Variants in PCSK5 observed in about 807,000 individuals in gnomAD.
PCSK5 encodes prohormone convertase 5.
PCSK5 carries 129 observed loss-of-function variants against 233.2 expected under a neutral mutation model. The observed-to-expected ratio is 0.55, with a 90% confidence interval of 0.48 to 0.64. PCSK5 has a LOEUF of 0.64. Ranked by LOEUF, PCSK5 falls within the 30% of genes least tolerant of loss-of-function variation. The pLI, the probability that PCSK5 is intolerant of heterozygous loss-of-function variation, is 0.00. For missense variants in PCSK5, 2,076 were observed against 2,430.1 expected (o/e 0.85, Z 3.06); for synonymous variants, 825 against 879.2 (o/e 0.94, Z 1.09).
intron 2 of PCSK5, among the ~76,000 whole-genome samples, chr9:75,943,154 G>A (rs1824399985): frequency 6.6e-6 from 1 of 151,940 alleles, no homozygotes; most frequent in African/African-American, 2.4e-5. Context: ...CAAAGTGCTG[G>A]GATTACAAGC....
At chr9:76,177,048 G>C (rs149736855) in intron 14 of PCSK5, among the ~76,000 whole-genome samples, 1,924 of 152,284 alleles carry the variant, frequency 0.013, 44 homozygotes, top group African/African-American at 0.044. Flanking sequence ...CCAGCACTTT[G>C]GGAGGCCGAG....
rs7031129 is a variant in PCSK5, at chr9:76,064,337, G to A, written c.633-3618G>A. ...CAGAGGCGCCCCTCACCTCCCGGAC[G>A]GGGCGGCTGGCCGGGCGGGGGGCTG... is the stretch of plus-strand genomic sequence containing the variant. On this transcript the variant is annotated intron_variant, in intron 5 of 37. Transcript: ENST00000674117. Among the ~76,000 whole-genome samples, 943 of 107,626 alleles carry A rather than the reference G, an allele frequency of 8.8e-3. 11 individuals carry two copies. Among genetic ancestry groups the A allele is most frequent in the African/African-American group, 0.035 (777 of 22,358 alleles). 70.6% of individuals were successfully genotyped at this position (107,626 alleles called of 152,430 possible).
intron 21 of PCSK5, among the ~76,000 whole-genome samples, chr9:76,229,433 T>G (rs1271782837): frequency 6.6e-6 from 1 of 152,222 alleles, no homozygotes; most frequent in East Asian, 1.9e-4. Context: ...GTATTTAACA[T>G]GCAAAGCTCT....
chr9:75,982,391 T>C (rs1217712831), intron 2 of PCSK5, among the ~76,000 whole-genome samples: 1 of 152,212 alleles, frequency 6.6e-6, no homozygotes, highest in Admixed American at 6.5e-5. Flanking sequence ...TTATCCTCCA[T>C]AGAGTTGTAC....
At chr9:75,911,222 T>G (rs1416630739) in intron 1 of PCSK5, among the ~76,000 whole-genome samples, 1 of 144,310 alleles carries the variant, frequency 6.9e-6, no homozygotes, top group Non-Finnish European at 1.5e-5. Flanking sequence ...TTTTTTTTTT[T>G]TTTTTTTTTT....
chr9:75,925,245 G>C (rs528176062), intron 1 of PCSK5, among the ~76,000 whole-genome samples: 1 of 152,256 alleles, frequency 6.6e-6, no homozygotes, highest in Admixed American at 6.5e-5. Context: ...CATTCCCCAT[G>C]TATTTACTAA....
intron 20 of PCSK5, among the ~76,000 whole-genome samples, chr9:76,225,466 G>C (rs1458519722): frequency 6.6e-6 from 1 of 152,090 alleles, no homozygotes; most frequent in African/African-American, 2.4e-5. Flanking sequence ...TCATCTAACT[G>C]TAAAAACAAA....
chr9:75,942,226 A>G (rs746615437), intron 2 of PCSK5, among the ~76,000 whole-genome samples: 9 of 152,178 alleles, frequency 5.9e-5, no homozygotes, highest in Non-Finnish European at 8.8e-5. Flanking sequence ...AGGACATGCA[A>G]GTCTCGACTT....
intron 5 of PCSK5, among the ~76,000 whole-genome samples, chr9:76,049,007 C>A (rs777807313): frequency 1.3e-5 from 2 of 151,822 alleles, no homozygotes; most frequent in Admixed American, 6.6e-5. Context: ...ATCCTTTATG[C>A]CTAGAAATTA....
chr9:76,280,174 T>C (rs1055884728), intron 24 of PCSK5, among the ~76,000 whole-genome samples: 2 of 152,172 alleles, frequency 1.3e-5, no homozygotes, highest in Non-Finnish European at 2.9e-5. Flanking sequence ...CAGTGATCAG[T>C]GATCAATTAT....
Position 76,247,481 on chromosome 9 carries a change from G to A in PCSK5, c.3142+6797G>A, listed in dbSNP as rs1826652112. ...TTTAACTCCTGTCTTTGCCTAATTA[G>A]CATTTTAGTGAGCTCTCTGATTGGT... On this transcript the variant is annotated intron_variant, in intron 24 of 37. Transcript: ENST00000674117. 2.6e-5 allele frequency among the ~76,000 whole-genome samples: 4 copies of A among 152,080 alleles called. No individual in the cohort carries two copies. The South Asian group carries it at 8.3e-4, about 32-fold the overall frequency.
At chr9:75,975,946 C>G (rs1179947773) in intron 2 of PCSK5, among the ~76,000 whole-genome samples, 1 of 151,974 alleles carries the variant, frequency 6.6e-6, no homozygotes, top group Admixed American at 6.6e-5. Context: ...CTTTGTTGTC[C>G]CAGTTCAATC....
intron 5 of PCSK5, among the ~76,000 whole-genome samples, chr9:76,066,132 A>T (rs1005635752): frequency 6.6e-6 from 1 of 152,174 alleles, no homozygotes; most frequent in Non-Finnish European, 1.5e-5. Context: ...TTGTGGTTTC[A>T]TATGAATTTT....
chr9:76,077,154 G>T (rs540217457), intron 7 of PCSK5, among the ~76,000 whole-genome samples: 1 of 152,206 alleles, frequency 6.6e-6, no homozygotes, highest in Admixed American at 6.5e-5. Context: ...TGGCACACCT[G>T]ACCTTCCATC....
chr9:76,080,327 G>A (rs543580603), intron 7 of PCSK5, among the ~76,000 whole-genome samples: 1 of 152,168 alleles, frequency 6.6e-6, no homozygotes, highest in South Asian at 2.1e-4. Context: ...TGACACACAC[G>A]CACTCCAGCC....
At chr9:76,177,621 G>C (rs1445749682) in intron 14 of PCSK5, among the ~76,000 whole-genome samples, 1 of 152,182 alleles carries the variant, frequency 6.6e-6, no homozygotes, top group African/African-American at 2.4e-5. Flanking sequence ...TGTCTTCTCG[G>C]ATAGGAGAAA....
intron 21 of PCSK5, among the ~76,000 whole-genome samples, chr9:76,230,985 C>T (rs1826061625): frequency 6.6e-6 from 1 of 152,020 alleles, no homozygotes; most frequent in African/African-American, 2.4e-5. Context: ...ATCCTCTGCC[C>T]CCCATTTGTA....
intron 24 of PCSK5, among the ~76,000 whole-genome samples, chr9:76,259,351 C>A (rs78840650): frequency 0.015 from 2,284 of 151,934 alleles, 49 homozygotes; most frequent in African/African-American, 0.052. Flanking sequence ...CCCAAGATAC[C>A]AATGTGGCTG....
At position 76,334,449 on chromosome 9, in the gene PCSK5, C is replaced by G. The variant is rs573901517; in HGVS notation, c.4748+1839C>G. On this transcript the variant is annotated intron_variant, in intron 34 of 37. Transcript: ENST00000674117. Reference sequence around the variant, plus strand: ...TTGGCAGCTCTTGAAAAACACCAGCCAGGCTGGGCAGGGTGGCTCACGCCT... The same window carrying G: ...TTGGCAGCTCTTGAAAAACACCAGCGAGGCTGGGCAGGGTGGCTCACGCCT... 6.6e-5 allele frequency among the ~76,000 whole-genome samples: 10 copies of G among 152,326 alleles called. No individual in the cohort carries two copies. The South Asian group carries it at 1.9e-3, about 28-fold the overall frequency.
Sources: gnomAD v4.1 joint callset for allele counts (sites outside exome capture counted in the v4.1 genomes callset) on GRCh38, gnomAD v4.1.1 for gene constraint, MANE v1.5 for transcripts, NCBI Gene and HGNC (gene_info 2026-07-23, HGNC 2026-07-21) for gene names.